The following ST6GAL2 variants were observed in gnomAD, a reference collection of about 807,000 sequenced individuals.
The protein encoded by ST6GAL2 is beta-galactoside alpha-2,6-sialyltransferase 2.
A neutral mutation model predicts 37.5 loss-of-function variants in ST6GAL2; 24 were observed. The ratio of observed to expected loss-of-function variants is 0.64; its 90% CI spans 0.46 to 0.90. The LOEUF (loss-of-function observed/expected upper bound fraction) is 0.90. ST6GAL2 is among the 40% of genes least tolerant of loss of function. The pLI, the probability that ST6GAL2 is intolerant of heterozygous loss-of-function variation, is 0.00. For synonymous variants in ST6GAL2, 306 were observed against 295.1 expected (o/e 1.04, Z -0.38); for missense variants, 715 against 712.7 (o/e 1.00, Z -0.04).
chr2:106,846,175 C>T (rs979488053), intron 1 of ST6GAL2, among the ~76,000 whole-genome samples: 1 of 152,118 alleles, frequency 6.6e-6, no homozygotes, highest in South Asian at 2.1e-4. Context: ...CATGGAAGAC[C>T]GGATAGGAGA....
At chr2:106,861,603 T>C (rs1003600303) in intron 1 of ST6GAL2, among the ~76,000 whole-genome samples, 2 of 152,066 alleles carry the variant, frequency 1.3e-5, no homozygotes, top group Admixed American at 6.6e-5. Context: ...ATAAAATAGA[T>C]GTTCATTTAT....
intron 1 of ST6GAL2, among the ~76,000 whole-genome samples, chr2:106,861,941 G>A (rs1162387253): frequency 6.6e-6 from 1 of 151,980 alleles, no homozygotes; most frequent in Non-Finnish European, 1.5e-5. Flanking sequence ...CATTCTTACT[G>A]GCATCCAACC....
chr2:106,873,896 A>G (rs747430615), intron 1 of ST6GAL2, among the ~76,000 whole-genome samples: 5 of 152,216 alleles, frequency 3.3e-5, no homozygotes, highest in Non-Finnish European at 5.9e-5. Context: ...TTATAAATAG[A>G]TCACTAGAAT....
intron 2 of ST6GAL2, among the ~76,000 whole-genome samples, chr2:106,840,480 C>T (rs1676833686): frequency 6.6e-6 from 1 of 152,182 alleles, no homozygotes; most frequent in Non-Finnish European, 1.5e-5. Context: ...TTGAGCCATG[C>T]TATGGTTACA....
intron 1 of ST6GAL2, among the ~76,000 whole-genome samples, chr2:106,859,456 C>A (rs1022546872): frequency 6.6e-6 from 1 of 152,180 alleles, no homozygotes; most frequent in Non-Finnish European, 1.5e-5. Flanking sequence ...TAAATGTGTT[C>A]TGAGAATCTC....
At chr2:106,878,292 G>C (rs1678592298) in intron 1 of ST6GAL2, among the ~76,000 whole-genome samples, 1 of 151,250 alleles carries the variant, frequency 6.6e-6, no homozygotes, top group African/African-American at 2.4e-5. Context: ...GTGAGACCCT[G>C]TCTCTCCAAA....
chr2:106,862,891 C>T (rs1482202110), intron 1 of ST6GAL2, among the ~76,000 whole-genome samples: 2 of 148,430 alleles, frequency 1.3e-5, no homozygotes, highest in Admixed American at 1.4e-4. Context: ...TATTTTAAAT[C>T]TAATTAATTT....
Position 106,805,111 on chromosome 2 carries a change from C to G in ST6GAL2, c.*1567G>C, listed in dbSNP as rs979420037. 1.3e-5 allele frequency: 2 copies of G among 152,194 alleles called. No individual in the cohort carries two copies. The highest frequency in any genetic ancestry group is 6.5e-5 in the Admixed American group (1 of 15,284). The allele number at this position is 152,194 out of a possible 1,614,324, so 9.4% of individuals were successfully genotyped here. A position where few individuals can be genotyped will look rare whatever the true frequency, so the allele number is the denominator to read the frequency against. Reference sequence around the variant, plus strand: ...CTAACCAAACAGAAGCCTTCAGTCTCTGTAAGCCATTCTTGCTCAAGAAAG... The same window carrying G: ...CTAACCAAACAGAAGCCTTCAGTCTGTGTAAGCCATTCTTGCTCAAGAAAG... On this transcript the variant is annotated 3_prime_UTR_variant, in exon 6 of 6. Coordinates refer to ENST00000409382, the MANE Select transcript of ST6GAL2 (RefSeq NM_001142351.2).
intron 1 of ST6GAL2, among the ~76,000 whole-genome samples, chr2:106,872,877 A>G (rs1018730770): frequency 2.6e-5 from 4 of 152,044 alleles, no homozygotes; most frequent in African/African-American, 9.7e-5. Flanking sequence ...AATGTTCCTA[A>G]CTTCAATCGC....
intron 2 of ST6GAL2, among the ~76,000 whole-genome samples, chr2:106,836,495 T>C (rs2104489905): frequency 6.6e-6 from 1 of 152,242 alleles, no homozygotes; most frequent in African/African-American, 2.4e-5. Context: ...TTAAAATGGA[T>C]CTTTCACTCA....
At chr2:106,828,452 T>G (rs1676287518) in intron 5 of ST6GAL2, among the ~76,000 whole-genome samples, 1 of 151,834 alleles carries the variant, frequency 6.6e-6, no homozygotes, top group Admixed American at 6.6e-5. Context: ...AAACAAAGAG[T>G]GTCAAAGGCA....
upstream of ST6GAL2, chr2:106,887,048 C>G (rs1251978441): frequency 2.6e-5 from 4 of 152,732 alleles, no homozygotes; most frequent in Non-Finnish European, 5.8e-5. Flanking sequence ...GGCAGGAATG[C>G]AGGAATGCGC....
At chr2:106,809,118 G>A (rs915076086) in intron 5 of ST6GAL2, among the ~76,000 whole-genome samples, 2 of 152,236 alleles carry the variant, frequency 1.3e-5, no homozygotes. Flanking sequence ...TGGAGCTGAG[G>A]ACGGCTTCAT....
chr2:106,875,174 CTTTTTTT>C (rs11330010), intron 1 of ST6GAL2, among the ~76,000 whole-genome samples: 5 of 128,948 alleles, frequency 3.9e-5, no homozygotes, highest in African/African-American at 5.9e-5. Context: ...TTTTTTGTTT[CTTTTTTT>C]TTTTTTTTTG....
At chr2:106,887,032 G>A (rs1169734823), upstream of ST6GAL2, 1 of 152,344 alleles carries the variant, frequency 6.6e-6, no homozygotes, top group Non-Finnish European at 1.5e-5. Context: ...TCGGGTCCCG[G>A]GCGGCGGCAG....
In ST6GAL2 at chr2:106,832,485, A is replaced by G. The variant is rs1412280283; in HGVS notation, c.1143+80T>C. On this transcript the variant is annotated intron_variant, in intron 4 of 5. Coordinates refer to ENST00000409382, the MANE Select transcript of ST6GAL2 (RefSeq NM_001142351.2). ...TACTTTCATTGTCTGTCAAAGCTTA[A>G]TCCTTGCCTTGCTCTTATGATTAAT... is the stretch of plus-strand genomic sequence containing the variant. 5.3e-6 allele frequency: 4 copies of G among 760,694 alleles called. No individual in the cohort carries two copies. The East Asian group carries it at 1.0e-4, about 19-fold the overall frequency. The allele number at this position is 760,694 out of a possible 1,614,324, so 47.1% of individuals were successfully genotyped here.
chr2:106,812,268 C>T (rs1675640473), intron 5 of ST6GAL2, among the ~76,000 whole-genome samples: 1 of 152,214 alleles, frequency 6.6e-6, no homozygotes, highest in Non-Finnish European at 1.5e-5. Context: ...TAACGTCTCA[C>T]CTCCAGAACC....
At chr2:106,819,175 G>T (rs920260852) in intron 5 of ST6GAL2, among the ~76,000 whole-genome samples, 14 of 152,056 alleles carry the variant, frequency 9.2e-5, no homozygotes, top group African/African-American at 3.1e-4. Flanking sequence ...GGGGTAGAAG[G>T]TTTATTCAAA....
intron 1 of ST6GAL2, among the ~76,000 whole-genome samples, chr2:106,868,726 T>A (rs1381221951): frequency 6.6e-6 from 1 of 152,184 alleles, no homozygotes; most frequent in Non-Finnish European, 1.5e-5. Flanking sequence ...CTGTCATCAA[T>A]CTACCATCTG....
Sources: allele counts gnomAD v4.1 joint callset (sites outside exome capture counted in the v4.1 genomes callset), GRCh38; gene constraint gnomAD v4.1.1; transcripts MANE v1.5; gene names NCBI Gene and HGNC (gene_info 2026-07-23, HGNC 2026-07-21).